Variants in VAT1L observed in about 807,000 individuals in gnomAD.
The protein encoded by VAT1L is vesicle amine transport 1 like.
A neutral mutation model predicts 44.1 loss-of-function variants in VAT1L; 34 were observed. The ratio of observed to expected loss-of-function variants is 0.77; its 90% CI spans 0.59 to 1.03. The LOEUF (loss-of-function observed/expected upper bound fraction) is 1.03. Ranked by LOEUF, VAT1L falls within the 50% of genes least tolerant of loss-of-function variation. The probability of loss-of-function intolerance (pLI) is 0.00; values close to 1 mark genes in which losing one functional copy is unlikely to be tolerated. For missense variants in VAT1L, 615 were observed against 538.8 expected (o/e 1.14, Z -1.40); for synonymous variants, 253 against 202.2 (o/e 1.25, Z -2.13).
intron 7 of VAT1L, among the ~76,000 whole-genome samples, chr16:77,949,844 C>T (rs1442384255): frequency 6.6e-6 from 1 of 152,232 alleles, no homozygotes; most frequent in Non-Finnish European, 1.5e-5. Context: ...GCAGGTGAGG[C>T]TGCCGATTAT....
intron 7 of VAT1L, among the ~76,000 whole-genome samples, chr16:77,933,094 C>T (rs1012303788): frequency 6.6e-6 from 1 of 152,184 alleles, no homozygotes; most frequent in African/African-American, 2.4e-5. Context: ...ACAAATCTTT[C>T]CACCTCAGGA....
chr16:77,812,742 G>C (rs2016287294), intron 1 of VAT1L, among the ~76,000 whole-genome samples: 1 of 152,138 alleles, frequency 6.6e-6, no homozygotes, highest in Non-Finnish European at 1.5e-5. Context: ...CATATCTTCA[G>C]ATCCCTCATT....
In VAT1L at chr16:77,892,931, T is replaced by C. The variant is rs931450826; in HGVS notation, c.1077+8129T>C. The C allele has an allele frequency of 1.9e-4, 182 of 940,972 alleles. 1 individual carries two copies. In the South Asian group the frequency reaches 2.3e-3, roughly 12 times the overall value. The allele number at this position is 940,972 out of a possible 1,614,324, so 58.3% of individuals were successfully genotyped here. ...ACAAATCTAATAAGTTTGACTTGTG[T>C]TTTATCTTAACCTCCAGACCATTCT... On this transcript the variant is annotated intron_variant, in intron 7 of 8. Coordinates refer to ENST00000302536, the MANE Select transcript of VAT1L (RefSeq NM_020927.3).
chr16:77,859,176 T>A (rs2016891126), intron 3 of VAT1L, among the ~76,000 whole-genome samples: 2 of 150,358 alleles, frequency 1.3e-5, no homozygotes. Context: ...GGCATGTACC[T>A]GTAGTCCCAG....
chr16:77,818,157 G>A (rs2016387717), intron 2 of VAT1L, among the ~76,000 whole-genome samples: 2 of 152,106 alleles, frequency 1.3e-5, no homozygotes, highest in South Asian at 2.1e-4. Flanking sequence ...ATAAATGCAG[G>A]ACAGGAGAGC....
intron 7 of VAT1L, among the ~76,000 whole-genome samples, chr16:77,889,565 A>C (rs771100038): frequency 2.6e-5 from 4 of 152,212 alleles, no homozygotes; most frequent in Admixed American, 6.5e-5. Context: ...TTGTCAACCA[A>C]GCAGCAGTAA....
chr16:77,922,083 GCAC>G (rs1173264734), intron 7 of VAT1L, among the ~76,000 whole-genome samples: 1 of 152,004 alleles, frequency 6.6e-6, no homozygotes, highest in African/African-American at 2.4e-5. Context: ...TTTCAGGTTA[GCAC>G]CTACTGAGAC....
intron 3 of VAT1L, among the ~76,000 whole-genome samples, chr16:77,848,369 C>T (rs1567486613): frequency 6.6e-6 from 1 of 152,116 alleles, no homozygotes; most frequent in Non-Finnish European, 1.5e-5. Flanking sequence ...ATTTTAGGTC[C>T]TAAGAGTCTC....
intron 7 of VAT1L, among the ~76,000 whole-genome samples, chr16:77,933,426 T>C (rs984062984): frequency 1.3e-5 from 2 of 152,254 alleles, no homozygotes; most frequent in African/African-American, 4.8e-5. Context: ...AACACCTACC[T>C]GAACCATTTA....
At position 77,823,543 on chromosome 16, in the gene VAT1L, C is replaced by T. The variant is rs187406480; in HGVS notation, c.364-1703C>T. Among the ~76,000 whole-genome samples the T allele has an allele frequency of 7.9e-5, 12 of 152,282 alleles. 1 individual carries two copies. In the East Asian group the frequency reaches 2.3e-3, roughly 29 times the overall value. On this transcript the variant is annotated intron_variant, in intron 2 of 8. Transcript: ENST00000302536. Reference sequence around the variant, plus strand: ...AAAATATTTGGAATTAGACAGGCTTCACTCTGTATGTCATTAGGCAAGATA... The same window carrying T: ...AAAATATTTGGAATTAGACAGGCTTTACTCTGTATGTCATTAGGCAAGATA...
chr16:77,792,179 T>C (rs893452059), intron 1 of VAT1L, among the ~76,000 whole-genome samples: 7 of 152,328 alleles, frequency 4.6e-5, no homozygotes, highest in East Asian at 3.9e-4. Flanking sequence ...GTAGGATTCA[T>C]TGTGACTGTC....
chr16:77,959,637 G>C (rs1007734959), intron 7 of VAT1L, among the ~76,000 whole-genome samples: 4 of 152,022 alleles, frequency 2.6e-5, no homozygotes, highest in African/African-American at 9.7e-5. Context: ...CAAGTGCTAT[G>C]GTTATTAAGT....
intron 1 of VAT1L, among the ~76,000 whole-genome samples, chr16:77,796,658 C>G (rs1476225667): frequency 6.6e-6 from 1 of 152,200 alleles, no homozygotes; most frequent in African/African-American, 2.4e-5. Context: ...CATGGTGGCA[C>G]TCAATAAAGG....
At chr16:77,922,193 G>T (rs2017619083) in intron 7 of VAT1L, among the ~76,000 whole-genome samples, 1 of 152,172 alleles carries the variant, frequency 6.6e-6, no homozygotes, top group Non-Finnish European at 1.5e-5. Context: ...CGGGGGTGGA[G>T]GGGCAGTGTC....
intron 3 of VAT1L, among the ~76,000 whole-genome samples, chr16:77,844,493 C>G (rs2016738910): frequency 6.6e-6 from 1 of 152,130 alleles, no homozygotes; most frequent in South Asian, 2.1e-4. Flanking sequence ...CCTGCAACCT[C>G]CGCCTCCCAG....
At chr16:77,859,203 C>T (rs540946507) in intron 3 of VAT1L, among the ~76,000 whole-genome samples, 27 of 151,246 alleles carry the variant, frequency 1.8e-4, no homozygotes, top group African/African-American at 1.9e-4. Context: ...GGGAGGCTGA[C>T]GCAGGAGGAT....
intron 3 of VAT1L, among the ~76,000 whole-genome samples, chr16:77,836,400 C>T (rs1360367231): frequency 6.6e-6 from 1 of 152,100 alleles, no homozygotes; most frequent in Non-Finnish European, 1.5e-5. Flanking sequence ...TTAAAGAGAA[C>T]TAAATGGCTT....
chr16:77,918,888 A>G (rs1045438684), intron 7 of VAT1L, among the ~76,000 whole-genome samples: 6 of 152,208 alleles, frequency 3.9e-5, no homozygotes, highest in East Asian at 1.9e-4. Context: ...GTTCAGTAGA[A>G]TAAGTTCTCT....
At chr16:77,896,054 G>A (rs753045660) in intron 7 of VAT1L, among the ~76,000 whole-genome samples, 2 of 152,182 alleles carry the variant, frequency 1.3e-5, no homozygotes, top group African/African-American at 2.4e-5. Flanking sequence ...CAGAGTGATG[G>A]GGAGGCTGAC....
Sources: gnomAD v4.1 joint callset for allele counts (sites outside exome capture counted in the v4.1 genomes callset) on GRCh38, gnomAD v4.1.1 for gene constraint, MANE v1.5 for transcripts, NCBI Gene and HGNC (gene_info 2026-07-23, HGNC 2026-07-21) for gene names.